GPR22: variants seen among roughly 807,000 people sequenced by gnomAD.
GPR22 encodes the protein G protein-coupled receptor 22.
In GPR22, 13 loss-of-function variants were observed where a neutral mutation model predicts 31.0. The observed-to-expected ratio is 0.42, with a 90% CI of 0.27 to 0.67. GPR22 has a LOEUF of 0.67. GPR22 is among the 30% of genes least tolerant of loss of function. The pLI is 0.25. For missense variants in GPR22, 368 were observed against 509.6 expected (o/e 0.72, Z 2.67); for synonymous variants, 191 against 173.4 (o/e 1.10, Z -0.80).
At chr7:107,473,955 A>ATT (rs11453718) in intron 2 of GPR22, 80 bp from the exon 3 acceptor site, 229 of 524,270 alleles carry the variant, frequency 4.4e-4, no homozygotes, top group South Asian at 1.7e-3. Flanking sequence ...CAATTGAAAG[A>ATT]TTTTTTTTCT....
rs959412557 is a variant in GPR22, at chr7:107,470,225, G to A, written c.-1178G>A. 24 of 152,350 alleles carry A rather than the reference G, an allele frequency of 1.6e-4. No individual in the cohort carries two copies. Among genetic ancestry groups the A allele is most frequent in the African/African-American group, 5.5e-4 (23 of 41,586 alleles). The allele number at this position is 152,350 out of a possible 1,614,324, so 9.4% of individuals were successfully genotyped here. On this transcript the variant is annotated 5_prime_UTR_variant, in exon 1 of 3. Coordinates refer to ENST00000304402, the MANE Select transcript of GPR22 (RefSeq NM_005295.3). ...TTATTGATTCCACAGTAGGAAGAGT[G>A]AGAGACTGCAGCAGCCTCTAAGCAG...
At chr7:107,476,835 T>C (rs1166745738), downstream of GPR22, among the ~76,000 whole-genome samples, 1 of 151,640 alleles carries the variant, frequency 6.6e-6, no homozygotes, top group Non-Finnish European at 1.5e-5. Context: ...TATATCACTT[T>C]TATATAAATA....
In GPR22 at chr7:107,475,626, ATTT is replaced by A; in HGVS notation, c.*268_*270del. 1 of 308,832 alleles carries A rather than the reference ATTT, an allele frequency of 3.2e-6. No homozygotes were observed. The highest frequency in any genetic ancestry group is 6.3e-6 in the Non-Finnish European group (1 of 159,410). The allele number at this position is 308,832 out of a possible 1,614,324, so 19.1% of individuals were successfully genotyped here. A position where few individuals can be genotyped will look rare whatever the true frequency, so the allele number is the denominator to read the frequency against. The stretch of plus-strand genomic sequence containing the variant: ...AACAGAAAATATTCATGTAAGTCAT[ATTT>A]TTTAAGGAATAAATACATAGCCTTA... On this transcript the variant is annotated 3_prime_UTR_variant, in exon 3 of 3. Transcript: ENST00000304402.
rs529908746 is a variant in GPR22, at chr7:107,470,241, C to T, written c.-1162C>T. On this transcript the variant is annotated 5_prime_UTR_variant, in exon 1 of 3. Transcript: ENST00000304402. ...AGGAAGAGTGAGAGACTGCAGCAGC[C>T]TCTAAGCAGCACTACATGTTCCATA... The T allele has an allele frequency of 1.3e-3, 205 of 152,330 alleles. No individual in the cohort carries two copies. Among genetic ancestry groups the T allele is most frequent in the African/African-American group, 4.0e-3 (168 of 41,586 alleles). The allele number at this position is 152,330 out of a possible 1,614,324, so 9.4% of individuals were successfully genotyped here. A position where few individuals can be genotyped will look rare whatever the true frequency, so the allele number is the denominator to read the frequency against.
chr7:107,474,477 C>A lies in GPR22; in HGVS notation c.417C>A (p.Asp139Glu), dbSNP rs1175693129. 1 of 1,613,302 alleles carries A rather than the reference C, an allele frequency of 6.2e-7. No homozygotes were observed. The highest frequency in any genetic ancestry group is 1.7e-5 in the Admixed American group (1 of 59,912). The change falls in exon 3 of 3, where the codon GAC (aspartate) becomes GAA (glutamate). Residue 139 changes from aspartate (D) to glutamate (E), a missense_variant. Coordinates refer to ENST00000304402, the MANE Select transcript of GPR22 (RefSeq NM_005295.3). The surrounding 1 kb of genome is among the most constrained non-coding windows in gnomAD (Gnocchi z 5.7). The stretch of plus-strand genomic sequence containing the variant: ...TCAACGTTTTTGCTATCACTTTGGA[C>A]AGATATGACATCTCTGTAAAACCTG... ...TAINVFAITL[D>E]RYDISVKPAN...
rs780617291 is a variant in GPR22 at position 107,475,314 on chromosome 7, T to C, written c.1254T>C (p.Asp418=). 97 of 1,576,598 alleles carry C rather than the reference T, an allele frequency of 6.2e-5. No homozygotes were observed. Among genetic ancestry groups the C allele is most frequent in the Non-Finnish European group, 8.2e-5 (96 of 1,165,930 alleles). ...PKRNKKITFE[D]SEIREKCLVP... ...GAAACAAAAAAATTACCTTTGAAGA[T>C]AGTGAAATAAGAGAAAAATGTTTAG... is the stretch of plus-strand genomic sequence containing the variant. Residue 418 remains aspartate, a synonymous_variant, in exon 3 of 3, where the codon GAT becomes GAC. Coordinates refer to ENST00000304402, the MANE Select transcript of GPR22 (RefSeq NM_005295.3).
chr7:107,473,579 T>A (rs1796777099), intron 2 of GPR22, among the ~76,000 whole-genome samples: 1 of 151,950 alleles, frequency 6.6e-6, no homozygotes, highest in Non-Finnish European at 1.5e-5. Flanking sequence ...GTCCTGTTCA[T>A]TTGAAATCTC....
In GPR22 at chr7:107,474,579, G is replaced by A. The variant is rs1563055621; in HGVS notation, c.519G>A (p.Leu173=). The A allele has an allele frequency of 3.7e-6, 6 of 1,610,382 alleles. No individual in the cohort carries two copies. The highest frequency in any genetic ancestry group is 4.2e-6 in the Non-Finnish European group (5 of 1,178,348). ...GGATTTTTTCTTTTTTCTCTTTCCT[G>A]ATTCCTTTTATTGAGGTAAATTTTT... ...SIWIFSFFSF[L]IPFIEVNFFS... is the part of the protein sequence containing the mutation. The change falls in exon 3 of 3, where the codon CTG becomes CTA. Residue 173 remains leucine (L), a synonymous_variant. Transcript: ENST00000304402. This position sits in a 1 kb window ranked among gnomAD's most constrained non-coding sequence, Gnocchi z 5.7.
At position 107,474,387 on chromosome 7, in the gene GPR22, T is replaced by C. The variant is rs769655425; in HGVS notation, c.327T>C (p.Ser109=). The C allele has an allele frequency of 3.1e-6, 5 of 1,610,788 alleles. No homozygotes were observed. The South Asian group carries it at 4.4e-5, about 14-fold the overall frequency. ...TTATCCTTCTGCTTTCACTGGAGAGTAACACTGCTCTCATTTGCTGTTTCC... is the reference window on the plus strand; with the variant it reads ...TTATCCTTCTGCTTTCACTGGAGAGCAACACTGCTCTCATTTGCTGTTTCC... ...TIVILLLSLE[S]NTALICCFHE... is the part of the protein sequence containing the mutation. Residue 109 remains serine, a synonymous_variant, in exon 3 of 3, where the codon AGT becomes AGC. Coordinates refer to ENST00000304402, the MANE Select transcript of GPR22 (RefSeq NM_005295.3). The surrounding 1 kb of genome is among the most constrained non-coding windows in gnomAD (Gnocchi z 5.7).
At position 107,475,176 on chromosome 7, in the gene GPR22, A is replaced by G; in HGVS notation, c.1116A>G (p.Gln372=). The G allele has an allele frequency of 1.2e-6, 2 of 1,610,830 alleles. No individual in the cohort carries two copies. The highest frequency in any genetic ancestry group is 1.1e-5 in the South Asian group (1 of 90,610). Residue 372 remains glutamine, a synonymous_variant, in exon 3 of 3, where the codon CAA becomes CAG. Transcript: ENST00000304402. ...CTCTATTATATGCATTCACTAGACA[A>G]AAATTTCAAAAGGTCTTGAAAAGTA... The part of the protein sequence containing the change: ...FHPLLYAFTR[Q]KFQKVLKSKM...
downstream of GPR22, among the ~76,000 whole-genome samples, chr7:107,475,897 T>C (rs1027352419): frequency 1.3e-5 from 2 of 151,522 alleles, no homozygotes; most frequent in Admixed American, 1.3e-4. Flanking sequence ...TAAGTACGTA[T>C]GAAGCTTTAT....
chr7:107,475,092 T>C lies in GPR22; in HGVS notation c.1032T>C (p.Leu344=). The C allele has an allele frequency of 6.2e-7, 1 of 1,612,876 alleles. No individual in the cohort carries two copies. Among genetic ancestry groups the C allele is most frequent in the South Asian group, 1.1e-5 (1 of 91,016 alleles). The part of the protein sequence containing the change: ...TTILCLGPSD[L]LVKLRLCFLV... ...TTTTATGTTTAGGCCCAAGTGACCT[T>C]TTAGTAAAATTAAGATTGTGTTTTT... is the stretch of plus-strand genomic sequence containing the variant. The change falls in exon 3 of 3, where the codon CTT becomes CTC. Residue 344 remains leucine, a synonymous_variant. Transcript: ENST00000304402.
At chr7:107,476,888 T>A (rs1021224209), downstream of GPR22, among the ~76,000 whole-genome samples, 1 of 151,680 alleles carries the variant, frequency 6.6e-6, no homozygotes, top group African/African-American at 2.4e-5. Flanking sequence ...CCCTAATCCT[T>A]GGAGAAATGA....
chr7:107,477,683 G>A (rs1252317036), downstream of GPR22, among the ~76,000 whole-genome samples: 1 of 151,718 alleles, frequency 6.6e-6, no homozygotes, highest in African/African-American at 2.4e-5. Flanking sequence ...TTTTTAATGT[G>A]CTAAGTAGTA....
At position 107,470,141 on chromosome 7, in the gene GPR22, C is replaced by T. The variant is rs1796547699; in HGVS notation, c.-1262C>T. The T allele has an allele frequency of 6.6e-6, 1 of 152,160 alleles. No individual in the cohort carries two copies. The highest frequency in any genetic ancestry group is 1.5e-5 in the Non-Finnish European group (1 of 68,028). The allele number at this position is 152,160 out of a possible 1,614,324, so 9.4% of individuals were successfully genotyped here. The stretch of plus-strand genomic sequence containing the variant: ...TAGAAAGACTGAATCTAAATGTTGT[C>T]TCTGGAGACAAGAAGCCTTCAGTAT... On this transcript the variant is annotated 5_prime_UTR_variant, in exon 1 of 3. Coordinates refer to ENST00000304402, the MANE Select transcript of GPR22 (RefSeq NM_005295.3).
At chr7:107,476,902 C>CCATG (rs1797030617), downstream of GPR22, among the ~76,000 whole-genome samples, 1 of 151,504 alleles carries the variant, frequency 6.6e-6, no homozygotes, top group Non-Finnish European at 1.5e-5. Context: ...GAAATGAATA[C>CCATG]CATGCAGTAG....
At chr7:107,475,929 T>C (rs1168895741), downstream of GPR22, among the ~76,000 whole-genome samples, 3 of 151,318 alleles carry the variant, frequency 2.0e-5, no homozygotes, top group African/African-American at 4.8e-5. Flanking sequence ...TAAAAAATCA[T>C]AGAATTTATC....
downstream of GPR22, among the ~76,000 whole-genome samples, chr7:107,476,482 G>C (rs1797003804): frequency 6.6e-6 from 1 of 151,392 alleles, no homozygotes. Flanking sequence ...AATAAGTCTT[G>C]TCACTTTTCT....
chr7:107,471,258 T>C (rs1436408585), intron 1 of GPR22, 114 bp from the exon 2 acceptor site: 1 of 152,112 alleles, frequency 6.6e-6, no homozygotes, highest in Non-Finnish European at 1.5e-5. Context: ...AATAACAGTT[T>C]GGTTATTTTG....
Sources: gnomAD v4.1 joint callset for allele counts (sites outside exome capture counted in the v4.1 genomes callset) on GRCh38, gnomAD v4.1.1 for gene constraint, Gnocchi (gnomAD v3.1) non-coding constraint, MANE v1.5 for transcripts, NCBI Gene and HGNC (gene_info 2026-07-23, HGNC 2026-07-21) for gene names.